The following ZDHHC14 variants were observed in gnomAD, a reference collection of about 807,000 sequenced individuals.
ZDHHC14 encodes zDHHC palmitoyltransferase 14.
A neutral mutation model predicts 47.7 loss-of-function variants in ZDHHC14; 16 were observed. The ratio of observed to expected loss-of-function variants is 0.34; its 90% CI spans 0.23 to 0.51. The LOEUF is 0.51. Ranked by LOEUF, ZDHHC14 falls within the 20% of genes least tolerant of loss-of-function variation. The pLI is 0.97. For missense variants in ZDHHC14, 515 were observed against 662.5 expected (o/e 0.78, Z 2.44); for synonymous variants, 293 against 278.9 (o/e 1.05, Z -0.50).
intron 8 of ZDHHC14, among the ~76,000 whole-genome samples, chr6:157,667,220 T>G (rs116397044): frequency 0.014 from 2,193 of 152,318 alleles, 58 homozygotes; most frequent in African/African-American, 0.051. Flanking sequence ...GATATCTAAG[T>G]GGTCAGCTGT....
At chr6:157,653,233 C>T (rs1777922230) in intron 7 of ZDHHC14, among the ~76,000 whole-genome samples, 1 of 152,106 alleles carries the variant, frequency 6.6e-6, no homozygotes, top group African/African-American at 2.4e-5. Context: ...GGGGGTGAGA[C>T]CAGCTTAGAG....
At chr6:157,597,651 G>C (rs1369030047) in intron 3 of ZDHHC14, among the ~76,000 whole-genome samples, 2 of 152,240 alleles carry the variant, frequency 1.3e-5, no homozygotes, top group Non-Finnish European at 2.9e-5. Flanking sequence ...CTGCAGCCTG[G>C]GTCCCAGCCC....
At chr6:157,550,570 C>T (rs1782189746) in intron 2 of ZDHHC14, among the ~76,000 whole-genome samples, 3 of 152,214 alleles carry the variant, frequency 2.0e-5, no homozygotes, top group Admixed American at 2.0e-4. Context: ...CTAGAGAGAA[C>T]ACGGTGTCAC....
At chr6:157,450,146 G>A (rs1196766137) in intron 1 of ZDHHC14, among the ~76,000 whole-genome samples, 1 of 151,832 alleles carries the variant, frequency 6.6e-6, no homozygotes, top group Non-Finnish European at 1.5e-5. Flanking sequence ...GGATGGATGA[G>A]GGGAGTTGAA....
chr6:157,599,475 C>G (rs1784261507), intron 3 of ZDHHC14, among the ~76,000 whole-genome samples: 1 of 152,208 alleles, frequency 6.6e-6, no homozygotes, highest in Admixed American at 6.5e-5. Flanking sequence ...CCCAAGCAGA[C>G]AGCCAGGCGA....
At chr6:157,395,306 A>AC (rs1368585908) in intron 1 of ZDHHC14, among the ~76,000 whole-genome samples, 3 of 149,568 alleles carry the variant, frequency 2.0e-5, no homozygotes, top group South Asian at 2.1e-4. Flanking sequence ...AACTGCAGGC[A>AC]CACACCACCA....
At chr6:157,666,930 T>TGTCA (rs1298490769) in intron 8 of ZDHHC14, among the ~76,000 whole-genome samples, 11 of 152,234 alleles carry the variant, frequency 7.2e-5, no homozygotes, top group African/African-American at 2.4e-4. Context: ...GTAAATCAGC[T>TGTCA]GTCACAGTGA....
chr6:157,562,411 G>A (rs1039517273), intron 2 of ZDHHC14, among the ~76,000 whole-genome samples: 3 of 152,186 alleles, frequency 2.0e-5, no homozygotes, highest in African/African-American at 2.4e-5. Context: ...GTGGCGAGGG[G>A]TCTCTGCCTT....
intron 1 of ZDHHC14, among the ~76,000 whole-genome samples, chr6:157,539,276 A>G (rs1257366611): frequency 6.6e-6 from 1 of 151,862 alleles, no homozygotes; most frequent in Admixed American, 6.6e-5. Context: ...GGTGGTGAGG[A>G]CCTGTAGTTC....
chr6:157,448,171 C>T (rs559043141), intron 1 of ZDHHC14, among the ~76,000 whole-genome samples: 1 of 152,280 alleles, frequency 6.6e-6, no homozygotes, highest in South Asian at 2.1e-4. Context: ...AGCCACCACG[C>T]CTTGCCTAAA....
At position 157,632,589 on chromosome 6, in the gene ZDHHC14, C is replaced by T; in HGVS notation, c.704-245C>T. On this transcript the variant is annotated intron_variant, in intron 4 of 8. Coordinates refer to ENST00000359775, the MANE Select transcript of ZDHHC14 (RefSeq NM_024630.3). Reference sequence around the variant, plus strand: ...TATAATTTACGGGAAAGTGTGCAGACATCCATCTGCTTTTATTGAAAAAAT... The same window carrying T: ...TATAATTTACGGGAAAGTGTGCAGATATCCATCTGCTTTTATTGAAAAAAT... The T allele has an allele frequency of 9.0e-6, 5 of 555,534 alleles. No individual in the cohort carries two copies. The East Asian group carries it at 1.5e-4, about 16-fold the overall frequency. 34.4% of individuals were successfully genotyped at this position (555,534 alleles called of 1,614,324 possible).
chr6:157,635,582 G>A (rs1458704671), intron 5 of ZDHHC14, among the ~76,000 whole-genome samples: 1 of 152,232 alleles, frequency 6.6e-6, no homozygotes, highest in Non-Finnish European at 1.5e-5. Flanking sequence ...CCAAAGCACG[G>A]CTTCCAGGTG....
intron 3 of ZDHHC14, among the ~76,000 whole-genome samples, chr6:157,603,551 C>T (rs980054753): frequency 5.3e-5 from 8 of 152,070 alleles, no homozygotes; most frequent in Non-Finnish European, 7.4e-5. Flanking sequence ...ATCTGGCATC[C>T]GAGTATAAAG....
rs936462572 is a variant in ZDHHC14 at position 157,675,646 on chromosome 6, CT to C, written c.*2525del. On this transcript the variant is annotated 3_prime_UTR_variant, in exon 9 of 9. Coordinates refer to ENST00000359775, the MANE Select transcript of ZDHHC14 (RefSeq NM_024630.3). ...TCAGAGGAATGAGCGATGATGCCCC[CT>C]GGGGCGCCCACTTCTGTTTGTCAGG... 1.3e-4 allele frequency: 20 copies of C among 152,368 alleles called. No individual in the cohort carries two copies. The highest frequency in any genetic ancestry group is 4.8e-4 in the African/African-American group (20 of 41,580). The allele number at this position is 152,368 out of a possible 1,614,324, so 9.4% of individuals were successfully genotyped here. A position where few individuals can be genotyped will look rare whatever the true frequency, so the allele number is the denominator to read the frequency against.
intron 3 of ZDHHC14, among the ~76,000 whole-genome samples, chr6:157,604,562 T>A (rs888974960): frequency 1.1e-4 from 17 of 152,006 alleles, no homozygotes; most frequent in African/African-American, 3.9e-4. Flanking sequence ...CTTTTTTTTT[T>A]TTTGAGACGG....
chr6:157,638,377 A>G (rs1777084353), intron 5 of ZDHHC14, among the ~76,000 whole-genome samples: 1 of 152,138 alleles, frequency 6.6e-6, no homozygotes, highest in Non-Finnish European at 1.5e-5. Context: ...TTTGTATCAG[A>G]GAAGCAGAGG....
At chr6:157,540,090 C>A (rs924648873) in intron 1 of ZDHHC14, among the ~76,000 whole-genome samples, 2 of 152,184 alleles carry the variant, frequency 1.3e-5, no homozygotes, top group African/African-American at 4.8e-5. Context: ...AGGCAGTAGG[C>A]CTCCCCGCGT....
At chr6:157,540,877 T>C (rs1781718183) in intron 1 of ZDHHC14, among the ~76,000 whole-genome samples, 1 of 124,764 alleles carries the variant, frequency 8.0e-6, no homozygotes, top group East Asian at 2.1e-4. Context: ...TATATAGATA[T>C]ATATGTATGT....
At chr6:157,546,167 G>T (rs774951864) in intron 2 of ZDHHC14, among the ~76,000 whole-genome samples, 5 of 152,248 alleles carry the variant, frequency 3.3e-5, no homozygotes, top group Non-Finnish European at 5.9e-5. Flanking sequence ...GCACCTGCAA[G>T]CTGGGCTCAT....
Sources: allele counts gnomAD v4.1 joint callset (sites outside exome capture counted in the v4.1 genomes callset), GRCh38; gene constraint gnomAD v4.1.1; transcripts MANE v1.5; gene names NCBI Gene and HGNC (gene_info 2026-07-23, HGNC 2026-07-21).